The following ESCO2 variants were observed in gnomAD, a reference collection of about 807,000 sequenced individuals.
ESCO2 encodes the protein N-acetyltransferase ESCO2.
In ESCO2, 51 loss-of-function variants were observed where a neutral mutation model predicts 61.7. That is an observed-to-expected ratio of 0.83 (90% confidence interval 0.66 to 1.04). The LOEUF is 1.04. Ranked by LOEUF, ESCO2 falls within the 50% of genes least tolerant of loss-of-function variation. The probability of loss-of-function intolerance (pLI) is 0.00; values close to 1 mark genes in which losing one functional copy is unlikely to be tolerated. For synonymous variants in ESCO2, 230 were observed against 238.2 expected (o/e 0.97, Z 0.32); for missense variants, 692 against 686.2 (o/e 1.01, Z -0.09).
intron 5 of ESCO2, among the ~76,000 whole-genome samples, chr8:27,784,690 C>T (rs773846069): frequency 3.9e-5 from 6 of 152,134 alleles, no homozygotes; most frequent in Non-Finnish European, 8.8e-5. Flanking sequence ...ATGGAGGAGG[C>T]ATGGATGGGT....
At chr8:27,817,409 T>C (rs921524430), downstream of ESCO2, among the ~76,000 whole-genome samples, 2 of 152,094 alleles carry the variant, frequency 1.3e-5, no homozygotes, top group African/African-American at 4.8e-5. Context: ...CAGACGACAG[T>C]TTGGAAATCT....
intron 4 of ESCO2, among the ~76,000 whole-genome samples, chr8:27,782,519 C>T (rs545402051): frequency 2.4e-4 from 37 of 152,284 alleles, no homozygotes; most frequent in Admixed American, 5.9e-4. Flanking sequence ...CCGCCTTGGC[C>T]TCCCTTACCT....
intron 3 of ESCO2, chr8:27,777,886 T>C (rs575068660): frequency 8.5e-5 from 13 of 152,316 alleles, no homozygotes; most frequent in Non-Finnish European, 1.8e-4. Flanking sequence ...CTTATAGTCA[T>C]GTCTTTCCTA....
chr8:27,804,575 A>G lies in ESCO2; in HGVS notation c.*1137A>G, dbSNP rs1471740934. The G allele has an allele frequency of 9.1e-6, 9 of 985,294 alleles. No individual in the cohort carries two copies. In the South Asian group the frequency reaches 3.3e-4, roughly 36 times the overall value. 61.0% of individuals were successfully genotyped at this position (985,294 alleles called of 1,614,324 possible). ...TCTTGGATACTTTAAAAAGCAAAAC[A>G]TTGTTCAAATTGTTTTGATTCTGAA... On this transcript the variant is annotated 3_prime_UTR_variant, in exon 11 of 11. Coordinates refer to ENST00000305188, the MANE Select transcript of ESCO2 (RefSeq NM_001017420.3).
At chr8:27,805,843 T>G (rs1395439023), downstream of ESCO2, among the ~76,000 whole-genome samples, 1 of 152,108 alleles carries the variant, frequency 6.6e-6, no homozygotes, top group Admixed American at 6.6e-5. Flanking sequence ...CTTAAGCTCC[T>G]GAGGCCCTTG....
At chr8:27,777,707 GAAA>G (rs1031047413) in intron 3 of ESCO2, 1 of 152,274 alleles carries the variant, frequency 6.6e-6, no homozygotes, top group Non-Finnish European at 1.5e-5. Context: ...TCCTTCATCA[GAAA>G]AAAAGTTGAG....
intron 9 of ESCO2, 80 bp from the exon 10 acceptor site, chr8:27,799,461 C>A: frequency 1.4e-6 from 2 of 1,445,896 alleles, no homozygotes; most frequent in Non-Finnish European, 1.9e-6. Context: ...ATTTTTGATA[C>A]TTATTTAAGG....
intron 4 of ESCO2, among the ~76,000 whole-genome samples, chr8:27,781,889 G>T (rs571567310): frequency 2.0e-5 from 3 of 152,214 alleles, no homozygotes; most frequent in African/African-American, 7.2e-5. Flanking sequence ...ACCAAATATT[G>T]GTAGTGGTAT....
chr8:27,810,510 A>T, downstream of ESCO2: 1 of 1,549,398 alleles, frequency 6.5e-7, no homozygotes, highest in Non-Finnish European at 8.9e-7. Flanking sequence ...ATCTTGAAGG[A>T]GTTAGAGATT....
At chr8:27,782,910 ATAGT>A (rs1489296530) in intron 4 of ESCO2, among the ~76,000 whole-genome samples, 1 of 151,960 alleles carries the variant, frequency 6.6e-6, no homozygotes, top group African/African-American at 2.4e-5. Context: ...CAGTTCTAAT[ATAGT>A]TAGATTCATT....
At chr8:27,816,875 G>T (rs756072303), downstream of ESCO2, among the ~76,000 whole-genome samples, 1 of 151,660 alleles carries the variant, frequency 6.6e-6, no homozygotes. Context: ...GTATTCTATT[G>T]TGTGGTAGTA....
rs748436344 is a variant in ESCO2 at position 27,805,004 on chromosome 8, C to G, written c.*1566C>G. 2.2e-5 allele frequency: 4 copies of G among 179,906 alleles called. 1 individual carries two copies. Among genetic ancestry groups the G allele is most frequent in the African/African-American group, 1.7e-4 (4 of 23,968 alleles). The allele number at this position is 179,906 out of a possible 1,614,324, so 11.1% of individuals were successfully genotyped here. On this transcript the variant is annotated 3_prime_UTR_variant, in exon 11 of 11. Transcript: ENST00000305188. The stretch of plus-strand genomic sequence containing the variant: ...TTGCCAAAAGAAGAGGCTTCCCGGC[C>G]GGGCGCGGTGGCTCACGCCTGTAAT...
chr8:27,793,140 C>G (rs936282454), intron 9 of ESCO2, among the ~76,000 whole-genome samples: 1 of 152,134 alleles, frequency 6.6e-6, no homozygotes, highest in Non-Finnish European at 1.5e-5. Flanking sequence ...GCAAAATAGT[C>G]ATTACTTATC....
intron 4 of ESCO2, 51 bp downstream of exon 4, chr8:27,780,318 A>T (rs764127659): frequency 1.8e-6 from 2 of 1,097,754 alleles, no homozygotes; most frequent in Non-Finnish European, 2.8e-6. Flanking sequence ...GCTTTATTAC[A>T]TACATTATAC....
chr8:27,802,913 A>C (rs906103440), intron 10 of ESCO2, among the ~76,000 whole-genome samples: 2 of 150,944 alleles, frequency 1.3e-5, no homozygotes, highest in African/African-American at 4.9e-5. Context: ...TGCCCGGCTA[A>C]TTTTTGTATT....
At chr8:27,800,621 A>C (rs1012809366) in intron 10 of ESCO2, among the ~76,000 whole-genome samples, 7 of 152,198 alleles carry the variant, frequency 4.6e-5, no homozygotes, top group African/African-American at 1.4e-4. Flanking sequence ...ATACTCAAGA[A>C]AACATGTCCA....
Position 27,785,101 on chromosome 8 carries a change from G to A in ESCO2, c.1013+1044G>A, listed in dbSNP as rs529557050. Among the ~76,000 whole-genome samples the A allele has an allele frequency of 8.5e-5, 13 of 152,348 alleles. No homozygotes were observed. In the East Asian group the frequency reaches 1.9e-3, roughly 23 times the overall value. On this transcript the variant is annotated intron_variant, in intron 5 of 10. Coordinates refer to ENST00000305188, the MANE Select transcript of ESCO2 (RefSeq NM_001017420.3). ...CACAGTTATAGAGGCTGAGAAGTTC[G>A]AGATCAAGCAGCCACATCTGGTGGG...
At chr8:27,810,221 G>A (rs968885752), downstream of ESCO2, 3 of 904,028 alleles carry the variant, frequency 3.3e-6, no homozygotes, top group African/African-American at 5.1e-5. Flanking sequence ...CAATTTTAGA[G>A]TCTAATAACT....
At position 27,780,286 on chromosome 8, in the gene ESCO2, G is replaced by A. The variant is rs1448451556; in HGVS notation, c.955+19G>A. 1.4e-6 allele frequency: 2 copies of A among 1,386,440 alleles called. No homozygotes were observed. The highest frequency in any genetic ancestry group is 1.2e-5 in the South Asian group (1 of 86,084). 85.9% of individuals were successfully genotyped at this position (1,386,440 alleles called of 1,614,324 possible). A position where few individuals can be genotyped will look rare whatever the true frequency, so the allele number is the denominator to read the frequency against. The stretch of plus-strand genomic sequence containing the variant: ...AAGACAAGTAAGAGAAAACTCGCAT[G>A]AATTTAGCTGCTTAAAATAATGCTT... On this transcript the variant is annotated intron_variant, in intron 4 of 10. Coordinates refer to ENST00000305188, the MANE Select transcript of ESCO2 (RefSeq NM_001017420.3).
Sources: gnomAD v4.1 joint callset for allele counts (sites outside exome capture counted in the v4.1 genomes callset) on GRCh38, gnomAD v4.1.1 for gene constraint, MANE v1.5 for transcripts, NCBI Gene and HGNC (gene_info 2026-07-23, HGNC 2026-07-21) for gene names.